Variants in RAB32 observed in about 807,000 individuals in gnomAD.
RAB32 encodes the protein ras-related protein Rab-32.
In RAB32, 17 loss-of-function variants were observed where a neutral mutation model predicts 17.5. The observed-to-expected ratio is 0.97, with a 90% CI of 0.67 to 1.46. RAB32 has a LOEUF of 1.46. Among genes scored for constraint, RAB32 ranks in the 40% most tolerant of loss-of-function variants. The pLI is 0.00. For synonymous variants in RAB32, 115 were observed against 111.1 expected, an observed-to-expected ratio of 1.04 and a Z score of -0.22; for missense variants, 288 against 284.3, an observed-to-expected ratio of 1.01 and a Z score of -0.09.
intron 2 of RAB32, among the ~76,000 whole-genome samples, chr6:146,550,377 G>A (rs1446578573): frequency 2.0e-5 from 3 of 152,080 alleles, no homozygotes; most frequent in Non-Finnish European, 4.4e-5. Flanking sequence ...GACCAGGCAC[G>A]GTGGCTCATG....
Position 146,554,545 on chromosome 6 carries a change from G to A in RAB32, c.618G>A (p.Val206=), listed in dbSNP as rs1779936185. ...HQSFPNEEND[V]DKIKLDQETL... ...GCTTTCCTAATGAAGAAAACGATGT[G>A]GACAAAATTAAGCTAGATCAAGAGA... Residue 206 remains valine (V), a synonymous_variant, in exon 3 of 3, where the codon GTG becomes GTA. Transcript: ENST00000367495. 1.2e-6 allele frequency: 2 copies of A among 1,613,834 alleles called. No homozygotes were observed. Among genetic ancestry groups the A allele is most frequent in the East Asian group, 4.5e-5 (2 of 44,852 alleles).
chr6:146,549,819 A>G, intron 2 of RAB32, 78 bp downstream of exon 2: 2 of 1,456,020 alleles, frequency 1.4e-6, no homozygotes, highest in Non-Finnish European at 1.9e-6. Flanking sequence ...ATTTAGATAT[A>G]TTTATGTGAG....
chr6:146,549,394 A>G, intron 1 of RAB32, 70 bp from the exon 2 acceptor site: 3 of 1,304,674 alleles, frequency 2.3e-6, no homozygotes, highest in Admixed American at 2.1e-5. Flanking sequence ...TTGGGGTAAA[A>G]GGGGTTATAC....
At chr6:146,551,281 C>T (rs1250068819) in intron 2 of RAB32, among the ~76,000 whole-genome samples, 2 of 152,206 alleles carry the variant, frequency 1.3e-5, no homozygotes, top group African/African-American at 4.8e-5. Context: ...TATGTGAGCA[C>T]TTAATCTGAC....
intron 1 of RAB32, 76 bp from the exon 2 acceptor site, chr6:146,549,388 G>C: frequency 8.2e-7 from 1 of 1,216,268 alleles, no homozygotes; most frequent in Non-Finnish European, 1.2e-6. Context: ...TTGCTCTTGG[G>C]GTAAAAGGGG....
At chr6:146,552,849 T>C (rs1779913884) in intron 2 of RAB32, among the ~76,000 whole-genome samples, 1 of 152,172 alleles carries the variant, frequency 6.6e-6, no homozygotes, top group Non-Finnish European at 1.5e-5. Context: ...AGATATTTTG[T>C]TGTGCAAGAA....
chr6:146,549,304 G>C (rs1022652919), intron 1 of RAB32, among the ~76,000 whole-genome samples, 160 bp from the exon 2 acceptor site: 6 of 152,142 alleles, frequency 3.9e-5, no homozygotes, highest in African/African-American at 1.4e-4. Context: ...TGCTCTATGG[G>C]TCATGGTCTG....
At position 146,554,773 on chromosome 6, in the gene RAB32, T is replaced by G; in HGVS notation, c.*168T>G. The stretch of plus-strand genomic sequence containing the variant: ...AATGGAACTTTGGGAGAAGTATCCC[T>G]GCTAGTGGCTCTGTAACTTAACAGA... On this transcript the variant is annotated 3_prime_UTR_variant, in exon 3 of 3. Coordinates refer to ENST00000367495, the MANE Select transcript of RAB32 (RefSeq NM_006834.5). 1 of 576,404 alleles carries G rather than the reference T, an allele frequency of 1.7e-6. No homozygotes were observed. The highest frequency in any genetic ancestry group is 2.9e-6 in the Non-Finnish European group (1 of 341,800). The allele number at this position is 576,404 out of a possible 1,614,324, so 35.7% of individuals were successfully genotyped here.
intron 1 of RAB32, among the ~76,000 whole-genome samples, chr6:146,547,527 A>G (rs1308128168): frequency 3.3e-5 from 5 of 152,100 alleles, no homozygotes; most frequent in African/African-American, 1.2e-4. Flanking sequence ...AAACTATATA[A>G]TTTATGCCTA....
chr6:146,553,071 A>AT (rs1028954293), intron 2 of RAB32, among the ~76,000 whole-genome samples: 1 of 152,112 alleles, frequency 6.6e-6, no homozygotes, highest in African/African-American at 2.4e-5. Context: ...TTTTATTTTT[A>AT]TTTTTTTATT....
intron 2 of RAB32, among the ~76,000 whole-genome samples, chr6:146,550,972 G>C (rs1779890445): frequency 6.6e-6 from 1 of 151,992 alleles, no homozygotes; most frequent in Non-Finnish European, 1.5e-5. Flanking sequence ...CCTCATTCTG[G>C]ATATTTACTA....
intron 2 of RAB32, among the ~76,000 whole-genome samples, chr6:146,553,410 TC>T (rs915604766): frequency 6.6e-6 from 1 of 152,118 alleles, no homozygotes; most frequent in Admixed American, 6.6e-5. Context: ...GCAGGGTACA[TC>T]ACTTGTGTTT....
chr6:146,550,182 A>G (rs1361702365), intron 2 of RAB32, among the ~76,000 whole-genome samples: 3 of 152,208 alleles, frequency 2.0e-5, no homozygotes. Context: ...TGATGTTTGA[A>G]GAGTTTTAGG....
intron 2 of RAB32, among the ~76,000 whole-genome samples, chr6:146,553,254 A>G (rs1446631602): frequency 1.3e-5 from 2 of 152,144 alleles, no homozygotes; most frequent in Non-Finnish European, 2.9e-5. Flanking sequence ...GGGAGGAATT[A>G]ATTGATGATA....
At chr6:146,548,810 CAT>C (rs1448538808) in intron 1 of RAB32, among the ~76,000 whole-genome samples, 1 of 152,214 alleles carries the variant, frequency 6.6e-6, no homozygotes, top group Non-Finnish European at 1.5e-5. Flanking sequence ...AAGTGTTTGA[CAT>C]AAATTATTTT....
At chr6:146,544,236 A>AAGAG in intron 1 of RAB32, 115 bp downstream of exon 1, 1 of 1,359,884 alleles carries the variant, frequency 7.4e-7, no homozygotes, top group Non-Finnish European at 9.8e-7. Context: ...CCTTTAGGAG[A>AAGAG]AGAGAGAGGC....
chr6:146,550,826 A>T (rs138437182), intron 2 of RAB32, among the ~76,000 whole-genome samples: 1 of 152,264 alleles, frequency 6.6e-6, no homozygotes, highest in East Asian at 1.9e-4. Context: ...GTGATGACAG[A>T]TAAACATTAT....
At position 146,546,375 on chromosome 6, in the gene RAB32, A is replaced by G. The variant is rs539423230; in HGVS notation, c.250+2254A>G. ...CATTATAAGTAAGATTTTCAGAGAT[A>G]GAATTTTAATATCTCTGAATATGAG... On this transcript the variant is annotated intron_variant, in intron 1 of 2. Coordinates refer to ENST00000367495, the MANE Select transcript of RAB32 (RefSeq NM_006834.5). Among the ~76,000 whole-genome samples, 4 of 152,222 alleles carry G rather than the reference A, an allele frequency of 2.6e-5. No individual in the cohort carries two copies. In the South Asian group the frequency reaches 8.3e-4, roughly 32 times the overall value.
chr6:146,543,901 C>T lies in RAB32; in HGVS notation c.30C>T (p.Gly10=), dbSNP rs1297586057. Residue 10 remains glycine (G), a synonymous_variant, in exon 1 of 3, where the codon GGC becomes GGT. Transcript: ENST00000367495. MAGGGAGDP[G]LGAAAAPAPE... is the part of the protein sequence containing the mutation. Reference sequence around the variant, plus strand: ...CGGGCGGAGGAGCCGGGGACCCCGGCCTGGGGGCGGCCGCCGCCCCAGCGC... The same window carrying T: ...CGGGCGGAGGAGCCGGGGACCCCGGTCTGGGGGCGGCCGCCGCCCCAGCGC... 1.9e-6 allele frequency: 3 copies of T among 1,577,962 alleles called. No individual in the cohort carries two copies. Among genetic ancestry groups the T allele is most frequent in the Admixed American group, 3.5e-5 (2 of 56,464 alleles).
Sources: gnomAD v4.1 joint callset for allele counts (sites outside exome capture counted in the v4.1 genomes callset) on GRCh38, gnomAD v4.1.1 for gene constraint, MANE v1.5 for transcripts, NCBI Gene and HGNC (gene_info 2026-07-23, HGNC 2026-07-21) for gene names.